SAMHD1: variants seen among roughly 807,000 people sequenced by gnomAD.
The protein encoded by SAMHD1 is deoxynucleoside triphosphate triphosphohydrolase SAMHD1.
A neutral mutation model predicts 79.6 loss-of-function variants in SAMHD1; 54 were observed. The ratio of observed to expected loss-of-function variants is 0.68; its 90% CI spans 0.55 to 0.85. The LOEUF (loss-of-function observed/expected upper bound fraction) is 0.85. SAMHD1 is among the 40% of genes least tolerant of loss of function. The probability of loss-of-function intolerance (pLI) is 0.00; values close to 1 mark genes in which losing one functional copy is unlikely to be tolerated. For synonymous variants in SAMHD1, 260 were observed against 264.1 expected (o/e 0.98, Z 0.15); for missense variants, 663 against 782.7 (o/e 0.85, Z 1.82).
chr20:36,922,341 T>C (rs999621636), intron 6 of SAMHD1, among the ~76,000 whole-genome samples: 1 of 152,212 alleles, frequency 6.6e-6, no homozygotes, highest in African/African-American at 2.4e-5. Flanking sequence ...GAAAATGTTG[T>C]TTTTAGGAAA....
At position 36,892,987 on chromosome 20, in the gene SAMHD1, C is replaced by T. The variant is rs1428692954; in HGVS notation, c.1826G>A (p.Arg609His). 8 of 1,613,452 alleles carry T rather than the reference C, an allele frequency of 5.0e-6. No homozygotes were observed. Among genetic ancestry groups the T allele is most frequent in the East Asian group, 2.2e-5 (1 of 44,878 alleles). ...TCTGCTTTTGGATGCTTCTCGGAGGCGAGTTGGATTTTGGACTGAAGTACT... is the reference window on the plus strand; with the variant it reads ...TCTGCTTTTGGATGCTTCTCGGAGGTGAGTTGGATTTTGGACTGAAGTACT... ...NDSTSVQNPT[R>H]LREASKSRVQ... Residue 609 changes from arginine (R) to histidine (H), a missense_variant, in exon 16 of 16, where the codon CGC becomes CAC. By Grantham distance (29) the Arg-to-His change is conservative. Coordinates refer to ENST00000646673, the MANE Select transcript of SAMHD1 (RefSeq NM_015474.4).
intron 15 of SAMHD1, among the ~76,000 whole-genome samples, chr20:36,896,844 A>C (rs1302381119): frequency 6.8e-6 from 1 of 148,130 alleles, no homozygotes; most frequent in Non-Finnish European, 1.5e-5. Context: ...CAAAAAAATG[A>C]ATGAATTAAT....
chr20:36,930,902 CT>C, intron 4 of SAMHD1, 27 bp from the exon 5 acceptor site: 1 of 1,510,304 alleles, frequency 6.6e-7, no homozygotes, highest in South Asian at 1.1e-5. Context: ...CAAAAAGTCA[CT>C]TTTCTGTTTG....
At chr20:36,893,695 G>T in intron 15 of SAMHD1, 1 of 391,148 alleles carries the variant, frequency 2.6e-6, no homozygotes, top group Non-Finnish European at 4.5e-6. Flanking sequence ...CTTGTGGGTA[G>T]ATCTTCTTTG....
chr20:36,917,642 C>T (rs1220433541), intron 7 of SAMHD1, among the ~76,000 whole-genome samples: 1 of 152,138 alleles, frequency 6.6e-6, no homozygotes, highest in Non-Finnish European at 1.5e-5. Context: ...CAGAGCAAGA[C>T]ACCGTCTCAA....
chr20:36,927,796 T>A (rs2063545723), intron 5 of SAMHD1, among the ~76,000 whole-genome samples: 1 of 152,156 alleles, frequency 6.6e-6, no homozygotes, highest in Non-Finnish European at 1.5e-5. Flanking sequence ...AGGTTTTACA[T>A]AAATCTGATA....
chr20:36,921,251 G>A (rs2146121198), intron 6 of SAMHD1, among the ~76,000 whole-genome samples: 1 of 151,788 alleles, frequency 6.6e-6, no homozygotes, highest in African/African-American at 2.4e-5. Context: ...AAATTAGCTG[G>A]GTGTGGTGGC....
chr20:36,951,303 G>A (rs1600398985), intron 1 of SAMHD1, 133 bp downstream of exon 1: 3 of 1,295,826 alleles, frequency 2.3e-6, no homozygotes, highest in Non-Finnish European at 3.2e-6. Context: ...GCGCAGGTCC[G>A]CCCTCCCGGG....
chr20:36,895,851 G>GA (rs1990187599), intron 15 of SAMHD1, among the ~76,000 whole-genome samples: 1 of 151,948 alleles, frequency 6.6e-6, no homozygotes, highest in Non-Finnish European at 1.5e-5. Flanking sequence ...TATGAAGGGG[G>GA]AAAAATGGAT....
At chr20:36,889,929 G>T (rs1780885668), downstream of SAMHD1, 1 of 152,006 alleles carries the variant, frequency 6.6e-6, no homozygotes, top group South Asian at 2.1e-4. Context: ...GTGTGTGTGT[G>T]TATACTTACA....
chr20:36,928,900 T>C (rs1331615878), intron 5 of SAMHD1, among the ~76,000 whole-genome samples: 1 of 151,038 alleles, frequency 6.6e-6, no homozygotes, highest in Non-Finnish European at 1.5e-5. Flanking sequence ...CTACTAAAAC[T>C]ATAATAATTA....
intron 11 of SAMHD1, among the ~76,000 whole-genome samples, chr20:36,909,553 C>A (rs919051209): frequency 3.2e-4 from 48 of 151,676 alleles, no homozygotes; most frequent in Admixed American, 1.1e-3. Context: ...CGCCTGTAAT[C>A]CCAGCTACTC....
rs1412938206 is a variant in SAMHD1, at chr20:36,891,361, T to A, written c.*1571A>T. The A allele has an allele frequency of 1.3e-5, 2 of 152,248 alleles. No homozygotes were observed. Among genetic ancestry groups the A allele is most frequent in the Admixed American group, 1.3e-4 (2 of 15,280 alleles). The allele number at this position is 152,248 out of a possible 1,614,324, so 9.4% of individuals were successfully genotyped here. A position where few individuals can be genotyped will look rare whatever the true frequency, so the allele number is the denominator to read the frequency against. ...GAAATCTGCTGGCCTGTGGTCTGAG[T>A]TCCCCTACTTGCTCAGGCTGCCCCT... On this transcript the variant is annotated 3_prime_UTR_variant, in exon 16 of 16. Coordinates refer to ENST00000646673, the MANE Select transcript of SAMHD1 (RefSeq NM_015474.4).
chr20:36,950,866 A>G (rs577525856), intron 1 of SAMHD1, among the ~76,000 whole-genome samples: 20 of 152,166 alleles, frequency 1.3e-4, no homozygotes, highest in African/African-American at 4.6e-4. Context: ...AAAAGCCTCA[A>G]TTCAGGGAGG....
At chr20:36,935,571 ATTTTT>A (rs35043095) in intron 3 of SAMHD1, among the ~76,000 whole-genome samples, 1 of 142,952 alleles carries the variant, frequency 7.0e-6, no homozygotes, top group Non-Finnish European at 1.5e-5. Flanking sequence ...ATTATGTCTA[ATTTTT>A]TTTTTTTTTT....
chr20:36,914,561 G>A (rs377157784), intron 9 of SAMHD1, among the ~76,000 whole-genome samples: 17 of 151,702 alleles, frequency 1.1e-4, no homozygotes, highest in East Asian at 7.9e-4. Context: ...ATGTTGCCCA[G>A]GTTGGCCAGG....
intron 4 of SAMHD1, among the ~76,000 whole-genome samples, chr20:36,931,596 C>T (rs1455328825): frequency 6.6e-6 from 1 of 152,016 alleles, no homozygotes; most frequent in East Asian, 1.9e-4. Context: ...GAGATCTTGC[C>T]ATTGCACTCC....
chr20:36,903,985 AC>A (rs1486555921), intron 13 of SAMHD1, 171 bp downstream of exon 13: 18 of 590,256 alleles, frequency 3.0e-5, no homozygotes, highest in Non-Finnish European at 5.4e-5. Flanking sequence ...TAATGGCAAA[AC>A]ATCATGAACA....
chr20:36,942,141 C>G (rs539674157), intron 2 of SAMHD1, among the ~76,000 whole-genome samples: 6 of 152,130 alleles, frequency 3.9e-5, no homozygotes, highest in Non-Finnish European at 7.3e-5. Flanking sequence ...ATCGGCCGGG[C>G]GCAGTGGCTC....
Sources: gnomAD v4.1 joint callset for allele counts (sites outside exome capture counted in the v4.1 genomes callset) on GRCh38, gnomAD v4.1.1 for gene constraint, MANE v1.5 for transcripts, NCBI Gene and HGNC (gene_info 2026-07-23, HGNC 2026-07-21) for gene names.